CDH4: variants seen among roughly 807,000 people sequenced by gnomAD.
The protein encoded by CDH4 is cadherin-4.
A neutral mutation model predicts 86.0 loss-of-function variants in CDH4; 33 were observed. The ratio of observed to expected loss-of-function variants is 0.38; its 90% confidence interval spans 0.29 to 0.51. CDH4 has a LOEUF of 0.51. CDH4 is among the 20% of genes least tolerant of loss of function. CDH4 has a pLI of 0.86. For synonymous variants in CDH4, 555 were observed against 549.4 expected (o/e 1.01, Z -0.14); for missense variants, 1,114 against 1,307.4 (o/e 0.85, Z 2.28).
In CDH4 at chr20:61,457,021, C is replaced by A. The variant is rs73318373; in HGVS notation, c.169+202084C>A. Among the ~76,000 whole-genome samples, 952 of 152,212 alleles carry A rather than the reference C, an allele frequency of 6.3e-3. 12 individuals are homozygous for A. The highest frequency in any genetic ancestry group is 0.02 in the African/African-American group (832 of 41,528). Reference sequence around the variant, plus strand: ...ACTGAGTGGCAAAAGGGGCTTTGTGCCAGACTTCTCCTTTCAGAGCGTGAA... The same window carrying A: ...ACTGAGTGGCAAAAGGGGCTTTGTGACAGACTTCTCCTTTCAGAGCGTGAA... On this transcript the variant is annotated intron_variant, in intron 2 of 15. Coordinates refer to ENST00000614565, the MANE Select transcript of CDH4 (RefSeq NM_001794.5).
intron 9 of CDH4, among the ~76,000 whole-genome samples, chr20:61,913,518 G>A (rs1033333858): frequency 6.6e-6 from 1 of 152,360 alleles, no homozygotes; most frequent in Non-Finnish European, 1.5e-5. Flanking sequence ...GCAGGCCCAC[G>A]GAGCCCTCTT....
At chr20:61,875,354 G>A (rs1983973522) in intron 7 of CDH4, among the ~76,000 whole-genome samples, 1 of 152,208 alleles carries the variant, frequency 6.6e-6, no homozygotes, top group African/African-American at 2.4e-5. Flanking sequence ...ACCCTTGGCA[G>A]CCATGCGGCT....
Position 61,916,529 on chromosome 20 carries a change from T to TATG in CDH4, c.1374+5924_1374+5925insGAT. ...CTGTCGTCATCATAACCATTCTCGT[T>TATG]ATCATCATCATCATCCTCATCGTCT... On this transcript the variant is annotated intron_variant, in intron 9 of 15. Coordinates refer to ENST00000614565, the MANE Select transcript of CDH4 (RefSeq NM_001794.5). Among the ~76,000 whole-genome samples the TATG allele has an allele frequency of 3.3e-5, 5 of 152,356 alleles. No homozygotes were observed. In the East Asian group the frequency reaches 9.6e-4, roughly 29 times the overall value.
intron 2 of CDH4, among the ~76,000 whole-genome samples, chr20:61,280,533 G>A (rs2084253152): frequency 6.6e-6 from 1 of 152,200 alleles, no homozygotes; most frequent in Non-Finnish European, 1.5e-5. Flanking sequence ...CCTTTTTCCT[G>A]TGGAAGGCAG....
intron 2 of CDH4, among the ~76,000 whole-genome samples, chr20:61,304,058 A>G (rs977155739): frequency 9.9e-5 from 15 of 152,082 alleles, no homozygotes; most frequent in Non-Finnish European, 1.3e-4. Flanking sequence ...TGATGTCCCC[A>G]GTTCTATGGG....
intron 2 of CDH4, among the ~76,000 whole-genome samples, chr20:61,575,351 C>G (rs1239333757): frequency 6.6e-6 from 1 of 152,176 alleles, no homozygotes; most frequent in Non-Finnish European, 1.5e-5. Flanking sequence ...AGGGTATATA[C>G]TTACGGGTTA....
chr20:61,820,923 G>A (rs1451500926), intron 4 of CDH4, among the ~76,000 whole-genome samples: 1 of 152,064 alleles, frequency 6.6e-6, no homozygotes, highest in African/African-American at 2.4e-5. Flanking sequence ...CAGGCTTTGC[G>A]GAGTGAAATA....
At chr20:61,548,019 C>T (rs75808411) in intron 2 of CDH4, among the ~76,000 whole-genome samples, 131 of 152,296 alleles carry the variant, frequency 8.6e-4, no homozygotes, top group African/African-American at 3.0e-3. Context: ...CCTGTGATTC[C>T]TCCTGGCTCT....
chr20:61,849,527 A>G (rs960917965), intron 5 of CDH4, among the ~76,000 whole-genome samples: 4 of 152,128 alleles, frequency 2.6e-5, no homozygotes, highest in Admixed American at 2.6e-4. Context: ...CCCCGGCCCT[A>G]GGGAGGATCT....
intron 1 of CDH4, among the ~76,000 whole-genome samples, chr20:61,253,804 C>G (rs1475976957): frequency 6.6e-6 from 1 of 152,060 alleles, no homozygotes; most frequent in East Asian, 1.9e-4. Flanking sequence ...CCTCCGGAGT[C>G]GAAGCATGGG....
chr20:61,652,938 A>ATTTTTTTTTTTTTTTTT lies in CDH4; in HGVS notation c.170-90624_170-90608dup, dbSNP rs763918382. Among the ~76,000 whole-genome samples the ATTTTTTTTTTTTTTTTT allele has an allele frequency of 2.2e-3, 216 of 96,996 alleles. 4 individuals carry two copies. Among genetic ancestry groups the ATTTTTTTTTTTTTTTTT allele is most frequent in the Non-Finnish European group, 3.4e-3 (143 of 42,158 alleles). 63.6% of individuals were successfully genotyped at this position (96,996 alleles called of 152,430 possible). A position where few individuals can be genotyped will look rare whatever the true frequency, so the allele number is the denominator to read the frequency against. On this transcript the variant is annotated intron_variant, in intron 2 of 15. Transcript: ENST00000614565. ...TTTGAATTTATTTATTTATTTATTT[A>ATTTTTTTTTTTTTTTTT]TTTTTTTTTTTTTTTTTATTGATCA...
chr20:61,295,297 CT>C (rs2084345999), intron 2 of CDH4, among the ~76,000 whole-genome samples: 1 of 152,082 alleles, frequency 6.6e-6, no homozygotes, highest in African/African-American at 2.4e-5. Flanking sequence ...TTATGGATAC[CT>C]TGAGTTAGAA....
intron 3 of CDH4, among the ~76,000 whole-genome samples, chr20:61,752,730 G>A (rs958859528): frequency 2.0e-5 from 3 of 152,174 alleles, no homozygotes; most frequent in Admixed American, 6.5e-5. Flanking sequence ...CAAAGCCAGC[G>A]AATCTCACAA....
At position 61,488,484 on chromosome 20, in the gene CDH4, T is replaced by C. The variant is rs182217837; in HGVS notation, c.169+233547T>C. Among the ~76,000 whole-genome samples, 8 of 152,338 alleles carry C rather than the reference T, an allele frequency of 5.3e-5. No individual in the cohort carries two copies. The East Asian group carries it at 1.3e-3, about 26-fold the overall frequency. ...ACGGTGGTGATTGCTTTAGGATTGTTTCCACTGGAGTGAATTATACTTGAG... is the reference window on the plus strand; with the variant it reads ...ACGGTGGTGATTGCTTTAGGATTGTCTCCACTGGAGTGAATTATACTTGAG... On this transcript the variant is annotated intron_variant, in intron 2 of 15. Transcript: ENST00000614565.
intron 2 of CDH4, among the ~76,000 whole-genome samples, chr20:61,573,833 AAC>A (rs1456966379): frequency 6.6e-6 from 1 of 152,216 alleles, no homozygotes; most frequent in Non-Finnish European, 1.5e-5. Flanking sequence ...GATAAACTCA[AAC>A]ACAGGACAGA....
In CDH4 at chr20:61,811,549, A is replaced by C. The variant is rs1447593808; in HGVS notation, c.577-33119A>C. On this transcript the variant is annotated intron_variant, in intron 4 of 15. Coordinates refer to ENST00000614565, the MANE Select transcript of CDH4 (RefSeq NM_001794.5). The surrounding 1 kb of genome is among the most constrained non-coding windows in gnomAD (Gnocchi z 4.4). ...AAATGGTGGTTCCCTAGCCCAGAAC[A>C]TCCCAGGGCTCCCTGGCCTTGCCAG... Among the ~76,000 whole-genome samples the C allele has an allele frequency of 6.6e-6, 1 of 152,144 alleles. No individual in the cohort carries two copies. Among genetic ancestry groups the C allele is most frequent in the African/African-American group, 2.4e-5 (1 of 41,430 alleles).
At chr20:61,801,193 C>T (rs752780140) in intron 4 of CDH4, among the ~76,000 whole-genome samples, 1 of 152,176 alleles carries the variant, frequency 6.6e-6, no homozygotes, top group Admixed American at 6.5e-5. Flanking sequence ...ACAGCAGCAC[C>T]TCTCAGTGTC....
intron 2 of CDH4, among the ~76,000 whole-genome samples, chr20:61,305,030 T>C (rs1416569752): frequency 1.3e-5 from 2 of 151,860 alleles, no homozygotes; most frequent in African/African-American, 4.8e-5. Context: ...ATGTGTGTTG[T>C]ATGTGTGTGT....
intron 2 of CDH4, among the ~76,000 whole-genome samples, chr20:61,315,040 A>T (rs1287254036): frequency 6.6e-6 from 1 of 152,132 alleles, no homozygotes; most frequent in Non-Finnish European, 1.5e-5. Context: ...TTTATTTTAA[A>T]CATGACTCAG....
Sources: allele counts gnomAD v4.1 joint callset (sites outside exome capture counted in the v4.1 genomes callset), GRCh38; gene constraint gnomAD v4.1.1; non-coding constraint Gnocchi (gnomAD v3.1); transcripts MANE v1.5; gene names NCBI Gene and HGNC (gene_info 2026-07-23, HGNC 2026-07-21).